RSPO2: variants seen among roughly 807,000 people sequenced by gnomAD.
RSPO2 encodes R-spondin 2, also known as R-spondin-2.
Under a neutral mutation model 30.9 loss-of-function variants are expected in RSPO2, and 14 were observed. That is an observed-to-expected ratio of 0.45 (90% CI 0.30 to 0.71). The LOEUF is 0.71. Ranked by LOEUF, RSPO2 falls within the 30% of genes least tolerant of loss-of-function variation. RSPO2 has a pLI of 0.08. For missense variants in RSPO2, 264 were observed against 301.9 expected, an observed-to-expected ratio of 0.87 and a Z score of 0.93; for synonymous variants, 107 against 96.4, an observed-to-expected ratio of 1.11 and a Z score of -0.64.
At chr8:107,916,858 G>C (rs1006335549) in intron 5 of RSPO2, among the ~76,000 whole-genome samples, 3 of 152,136 alleles carry the variant, frequency 2.0e-5, no homozygotes, top group African/African-American at 7.2e-5. Context: ...TTGTGTAACA[G>C]AAAATTGTAA....
At chr8:108,018,448 C>G (rs984770651) in intron 2 of RSPO2, among the ~76,000 whole-genome samples, 2 of 152,188 alleles carry the variant, frequency 1.3e-5, no homozygotes, top group African/African-American at 4.8e-5. Context: ...GAGACCACAT[C>G]AAGTAAAACC....
At chr8:108,031,995 T>C (rs1247011472) in intron 2 of RSPO2, among the ~76,000 whole-genome samples, 4 of 152,166 alleles carry the variant, frequency 2.6e-5, no homozygotes, top group African/African-American at 7.2e-5. Flanking sequence ...AGTCACCCAA[T>C]ACATCATCAC....
chr8:108,074,296 A>C (rs73309383), intron 2 of RSPO2, among the ~76,000 whole-genome samples: 4,754 of 152,304 alleles, frequency 0.031, 223 homozygotes, highest in African/African-American at 0.1. Flanking sequence ...CTTTCTCTAC[A>C]TTTTAGAGTA....
At chr8:108,059,808 C>G (rs1347742050) in intron 2 of RSPO2, among the ~76,000 whole-genome samples, 9 of 137,030 alleles carry the variant, frequency 6.6e-5, no homozygotes, top group African/African-American at 2.5e-4. Context: ...ACAATGAGAA[C>G]ACATGGACAC....
In RSPO2 at chr8:107,980,616, A is replaced by G. The variant is rs181120514; in HGVS notation, c.283+8440T>C. Among the ~76,000 whole-genome samples the G allele has an allele frequency of 2.4e-4, 37 of 152,320 alleles. No homozygotes were observed. The East Asian group carries it at 6.0e-3, about 25-fold the overall frequency. On this transcript the variant is annotated intron_variant, in intron 3 of 5. Transcript: ENST00000276659. ...GAATCCTATTACCTTTAGTTGGTCA[A>G]CATCAATCACTTATCTCCAGGTCTT... is the stretch of plus-strand genomic sequence containing the variant.
intron 2 of RSPO2, among the ~76,000 whole-genome samples, chr8:108,048,516 A>G (rs1811975454): frequency 6.6e-6 from 1 of 151,928 alleles, no homozygotes; most frequent in Non-Finnish European, 1.5e-5. Flanking sequence ...ATTGGTGGCG[A>G]TATCTCCTTT....
At chr8:107,967,587 A>C (rs1813847728) in intron 3 of RSPO2, among the ~76,000 whole-genome samples, 1 of 152,170 alleles carries the variant, frequency 6.6e-6, no homozygotes, top group East Asian at 1.9e-4. Context: ...TTTACAATTA[A>C]ACTCTTTGAA....
chr8:107,941,038 C>T (rs752462100), intron 5 of RSPO2, among the ~76,000 whole-genome samples: 21 of 152,178 alleles, frequency 1.4e-4, no homozygotes, highest in Admixed American at 1.0e-3. Context: ...TTCATTATCA[C>T]AGCTCATGGT....
chr8:107,946,526 G>C (rs1377038749), intron 5 of RSPO2, among the ~76,000 whole-genome samples: 1 of 152,208 alleles, frequency 6.6e-6, no homozygotes, highest in Non-Finnish European at 1.5e-5. Flanking sequence ...GGCACAGAAG[G>C]AAGGTGCATG....
At chr8:108,015,796 A>G (rs1035791319) in intron 2 of RSPO2, among the ~76,000 whole-genome samples, 1 of 152,198 alleles carries the variant, frequency 6.6e-6, no homozygotes, top group African/African-American at 2.4e-5. Context: ...ATACTGAGGT[A>G]TCTTTCCTCC....
chr8:107,979,101 A>G (rs1027641722), intron 3 of RSPO2, among the ~76,000 whole-genome samples: 64 of 152,218 alleles, frequency 4.2e-4, no homozygotes, highest in African/African-American at 1.5e-3. Flanking sequence ...AACTAGTTCA[A>G]CCATTGTGGA....
chr8:108,011,444 C>T (rs796097161), intron 2 of RSPO2, among the ~76,000 whole-genome samples: 32 of 152,230 alleles, frequency 2.1e-4, no homozygotes, highest in African/African-American at 7.2e-4. Context: ...ACTTCATAAA[C>T]GTCTTGCAAT....
chr8:108,080,372 A>G (rs542022132), intron 2 of RSPO2, among the ~76,000 whole-genome samples: 94 of 152,250 alleles, frequency 6.2e-4, no homozygotes, highest in African/African-American at 2.2e-3. Flanking sequence ...TTACACCCTT[A>G]CCAATTTACA....
intron 2 of RSPO2, among the ~76,000 whole-genome samples, chr8:108,011,308 CT>C (rs1426440658): frequency 6.6e-6 from 1 of 151,820 alleles, no homozygotes; most frequent in Non-Finnish European, 1.5e-5. Context: ...CATTTCTAAC[CT>C]TTTACATACA....
Position 107,979,221 on chromosome 8 carries a change from C to T in RSPO2, c.283+9835G>A, listed in dbSNP as rs1167612976. Reference sequence around the variant, plus strand: ...ATTATAAATCATGCTGCTATAAAGACACGTGCACACGTATGTTTATTGAGG... The same window carrying T: ...ATTATAAATCATGCTGCTATAAAGATACGTGCACACGTATGTTTATTGAGG... On this transcript the variant is annotated intron_variant, in intron 3 of 5. Transcript: ENST00000276659. Among the ~76,000 whole-genome samples, 3 of 152,310 alleles carry T rather than the reference C, an allele frequency of 2.0e-5. No homozygotes were observed. The South Asian group carries it at 6.2e-4, about 32-fold the overall frequency.
chr8:107,981,016 A>C (rs1814411530), intron 3 of RSPO2, among the ~76,000 whole-genome samples: 1 of 152,206 alleles, frequency 6.6e-6, no homozygotes, highest in Non-Finnish European at 1.5e-5. Context: ...TTTATTTCTC[A>C]GTAATCCCAA....
At chr8:107,909,544 G>A (rs773105590) in intron 5 of RSPO2, among the ~76,000 whole-genome samples, 21 of 151,950 alleles carry the variant, frequency 1.4e-4, no homozygotes, top group Non-Finnish European at 1.6e-4. Flanking sequence ...CACCATGCCC[G>A]GCCACTTTCC....
At chr8:107,953,429 G>C (rs894461660) in intron 5 of RSPO2, among the ~76,000 whole-genome samples, 1 of 152,164 alleles carries the variant, frequency 6.6e-6, no homozygotes. Flanking sequence ...TCAACACTTT[G>C]GCCCTTATGC....
rs545542738 is a variant in RSPO2 at position 107,913,083 on chromosome 8, G to A, written c.617-11893C>T. Among the ~76,000 whole-genome samples the A allele has an allele frequency of 1.5e-4, 22 of 150,124 alleles. No homozygotes were observed. In the East Asian group the frequency reaches 4.2e-3, roughly 29 times the overall value. ...AAAGGTAATTGGGATAAATATTTAAGGTGAAGATATCCCAAATTTTCAGAA... is the reference window on the plus strand; with the variant it reads ...AAAGGTAATTGGGATAAATATTTAAAGTGAAGATATCCCAAATTTTCAGAA... On this transcript the variant is annotated intron_variant, in intron 5 of 5. Coordinates refer to ENST00000276659, the MANE Select transcript of RSPO2 (RefSeq NM_178565.5).
Sources: allele counts gnomAD v4.1 joint callset (sites outside exome capture counted in the v4.1 genomes callset), GRCh38; gene constraint gnomAD v4.1.1; transcripts MANE v1.5; gene names NCBI Gene and HGNC (gene_info 2026-07-23, HGNC 2026-07-21).